Variants in ZMYND8 observed in about 807,000 individuals in gnomAD.
ZMYND8 encodes zinc finger MYND-type containing 8.
ZMYND8 carries 37 observed loss-of-function variants against 140.8 expected under a neutral mutation model. The ratio of observed to expected loss-of-function variants is 0.26; its 90% confidence interval spans 0.20 to 0.35. The LOEUF (loss-of-function observed/expected upper bound fraction) is 0.35, where lower values mean the gene tolerates loss of function less well. Ranked by LOEUF, ZMYND8 falls within the 10% of genes least tolerant of loss-of-function variation. ZMYND8 has a pLI of 1.00. For synonymous variants in ZMYND8, 592 were observed against 597.1 expected (o/e 0.99, Z 0.12); for missense variants, 1,068 against 1,570.0 (o/e 0.68, Z 5.40).
intron 1 of ZMYND8, chr20:47,351,911 C>A: frequency 1.0e-6 from 1 of 985,340 alleles, no homozygotes; most frequent in Non-Finnish European, 1.2e-6. Flanking sequence ...CCAAAGGACA[C>A]CAACAACCCA....
chr20:47,326,559 G>T (rs999158316), intron 2 of ZMYND8, among the ~76,000 whole-genome samples: 2 of 152,170 alleles, frequency 1.3e-5, no homozygotes, highest in African/African-American at 4.8e-5. Flanking sequence ...TCTTGGTTCT[G>T]GGCCCTTTTT....
intron 12 of ZMYND8, among the ~76,000 whole-genome samples, chr20:47,257,539 A>G (rs1354660796): frequency 1.8e-4 from 27 of 151,878 alleles, no homozygotes; most frequent in Non-Finnish European, 1.5e-5. Context: ...CATATACCCA[A>G]TATACAAACA....
In ZMYND8 at chr20:47,249,542, G is replaced by A. The variant is rs751411001; in HGVS notation, c.1622-103C>T. ...AGCAAAACACACATTTTAGAACATGGGGGAGGGGGAGATACTTTTTTTGTC... is the reference window on the plus strand; with the variant it reads ...AGCAAAACACACATTTTAGAACATGAGGGAGGGGGAGATACTTTTTTTGTC... On this transcript the variant is annotated intron_variant, in intron 12 of 22. Coordinates refer to ENST00000471951, the MANE Select transcript of ZMYND8 (RefSeq NM_001281775.3). 3.0e-5 allele frequency: 44 copies of A among 1,460,912 alleles called. No homozygotes were observed. The South Asian group carries it at 4.9e-4, about 16-fold the overall frequency. The allele number at this position is 1,460,912 out of a possible 1,614,324, so 90.5% of individuals were successfully genotyped here. A position where few individuals can be genotyped will look rare whatever the true frequency, so the allele number is the denominator to read the frequency against.
chr20:47,277,637 G>C (rs1460368764), intron 10 of ZMYND8, among the ~76,000 whole-genome samples: 3 of 150,732 alleles, frequency 2.0e-5, no homozygotes, highest in Non-Finnish European at 4.4e-5. Context: ...TTTTTTGTTT[G>C]TTTAATTAAT....
At chr20:47,282,471 T>C (rs750061871) in intron 9 of ZMYND8, among the ~76,000 whole-genome samples, 22 of 152,268 alleles carry the variant, frequency 1.4e-4, no homozygotes, top group South Asian at 1.2e-3. Flanking sequence ...ACGCCTGTAA[T>C]CCCAGCACTT....
In ZMYND8 at chr20:47,299,589, T is replaced by C. The variant is rs373700741; in HGVS notation, c.235-642A>G. On this transcript the variant is annotated intron_variant, in intron 3 of 22. Coordinates refer to ENST00000471951, the MANE Select transcript of ZMYND8 (RefSeq NM_001281775.3). ...CTAATTTTTTTTTTCTTTTTCTTTT[T>C]CTTTTTTTTCAGAGACGGAGTCTCG... Among the ~76,000 whole-genome samples, 6 of 152,292 alleles carry C rather than the reference T, an allele frequency of 3.9e-5. No homozygotes were observed. In the East Asian group the frequency reaches 1.2e-3, roughly 29 times the overall value.
At chr20:47,251,989 A>C (rs2074220767) in intron 12 of ZMYND8, among the ~76,000 whole-genome samples, 1 of 152,100 alleles carries the variant, frequency 6.6e-6, no homozygotes, top group African/African-American at 2.4e-5. Context: ...ATTTAAAAAA[A>C]AAAAGAAAGA....
intron 2 of ZMYND8, among the ~76,000 whole-genome samples, chr20:47,312,052 A>G (rs959694651): frequency 6.6e-6 from 1 of 151,906 alleles, no homozygotes; most frequent in Non-Finnish European, 1.5e-5. Context: ...ATACCACAAG[A>G]GGGGTGAGCT....
At chr20:47,349,819 T>TG in intron 1 of ZMYND8, 1 of 1,533,530 alleles carries the variant, frequency 6.5e-7, no homozygotes, top group Non-Finnish European at 8.7e-7. Flanking sequence ...TCTACAGTGG[T>TG]GAGGGAAACA....
intron 11 of ZMYND8, among the ~76,000 whole-genome samples, chr20:47,269,963 A>C (rs2075808974): frequency 6.6e-6 from 1 of 152,220 alleles, no homozygotes; most frequent in Non-Finnish European, 1.5e-5. Flanking sequence ...AAGGCTATGG[A>C]CCAGGCATGG....
intron 12 of ZMYND8, among the ~76,000 whole-genome samples, chr20:47,260,896 C>T (rs1307279205): frequency 6.6e-6 from 1 of 152,180 alleles, no homozygotes; most frequent in Admixed American, 6.6e-5. Flanking sequence ...CAAGAAAAAT[C>T]AATGGTGAGG....
At chr20:47,264,612 C>T (rs1233988070) in intron 11 of ZMYND8, among the ~76,000 whole-genome samples, 1 of 152,168 alleles carries the variant, frequency 6.6e-6, no homozygotes, top group Non-Finnish European at 1.5e-5. Context: ...ATCTGTTTTA[C>T]TGCAAGAATT....
Position 47,210,422 on chromosome 20 carries a change from TTTTTTTA to T in ZMYND8, c.*332_*338del, listed in dbSNP as rs1359740207. On this transcript the variant is annotated 3_prime_UTR_variant, in exon 23 of 23. Coordinates refer to ENST00000471951, the MANE Select transcript of ZMYND8 (RefSeq NM_001281775.3). ...TGTTGGGGTTGGTTGCTTTTTTTTT[TTTTTTTA>T]AATCGTTTTTCTTTTTCTTTTTTTT... is the stretch of plus-strand genomic sequence containing the variant. The T allele has an allele frequency of 6.0e-6, 1 of 167,632 alleles. No individual in the cohort carries two copies. Among genetic ancestry groups the T allele is most frequent in the African/African-American group, 2.5e-5 (1 of 39,590 alleles). The allele number at this position is 167,632 out of a possible 1,614,324, so 10.4% of individuals were successfully genotyped here. A position where few individuals can be genotyped will look rare whatever the true frequency, so the allele number is the denominator to read the frequency against.
intron 2 of ZMYND8, among the ~76,000 whole-genome samples, chr20:47,341,838 C>T (rs1353840155): frequency 1.3e-5 from 2 of 151,908 alleles, no homozygotes; most frequent in Non-Finnish European, 2.9e-5. Context: ...CCTGTCTCTA[C>T]TAAAAATACA....
chr20:47,314,480 AAG>A (rs1334871611), intron 2 of ZMYND8, among the ~76,000 whole-genome samples: 7 of 152,204 alleles, frequency 4.6e-5, no homozygotes, highest in Non-Finnish European at 1.0e-4. Context: ...GCCTGGGCGA[AAG>A]AGAGAGACTC....
At chr20:47,287,836 C>A (rs1037731559) in intron 7 of ZMYND8, among the ~76,000 whole-genome samples, 4 of 105,608 alleles carry the variant, frequency 3.8e-5, no homozygotes, top group Admixed American at 9.0e-5. Flanking sequence ...TAGAAAAAAA[C>A]AACACACACA....
intron 6 of ZMYND8, 116 bp downstream of exon 6, chr20:47,291,680 G>C: frequency 1.6e-6 from 1 of 640,122 alleles, no homozygotes; most frequent in South Asian, 4.9e-5. Context: ...TGAAAATATA[G>C]AGAAACAATT....
Position 47,224,458 on chromosome 20 carries a change from C to T in ZMYND8, c.3115G>A (p.Val1039Met), listed in dbSNP as rs778818570. ...CACTGCTTCTTCTTGGTCTCATCCA[C>T]CGCCTGCTGCTTCTCCAACTCCAGC... is the stretch of plus-strand genomic sequence containing the variant. ...KQLELEKQQAVDETKKKQWCA... is the reference protein window; with the variant it reads ...KQLELEKQQAMDETKKKQWCA... Residue 1039 changes from valine to methionine, a missense_variant, in exon 19 of 23, where the codon GTG becomes ATG. Around this residue, in one of 10 missense-constraint regions of ZMYND8, gnomAD observed 87 missense variants for 151.1 expected, o/e 0.58. Coordinates refer to ENST00000471951, the MANE Select transcript of ZMYND8 (RefSeq NM_001281775.3). 1.2e-6 allele frequency: 2 copies of T among 1,614,252 alleles called. No individual in the cohort carries two copies. The highest frequency in any genetic ancestry group is 1.7e-6 in the Non-Finnish European group (2 of 1,180,056).
chr20:47,213,154 C>G (rs568663759), intron 21 of ZMYND8, among the ~76,000 whole-genome samples: 1 of 151,954 alleles, frequency 6.6e-6, no homozygotes, highest in East Asian at 1.9e-4. Context: ...ACAGTGATAA[C>G]AGAATAGGGA....
Sources: gnomAD v4.1 joint callset for allele counts (sites outside exome capture counted in the v4.1 genomes callset) on GRCh38, gnomAD v4.1.1 for gene constraint, gnomAD v4.1.1 regional missense constraint, MANE v1.5 for transcripts, NCBI Gene and HGNC (gene_info 2026-07-23, HGNC 2026-07-21) for gene names.